The following CADM3 variants were observed in gnomAD, a reference collection of about 807,000 sequenced individuals.
CADM3 encodes cell adhesion molecule 3.
Under a neutral mutation model 44.9 loss-of-function variants are expected in CADM3, and 11 were observed. The ratio of observed to expected loss-of-function variants is 0.25; its 90% confidence interval spans 0.15 to 0.41. The LOEUF (loss-of-function observed/expected upper bound fraction) is 0.41, where lower values mean the gene tolerates loss of function less well. Among genes scored for constraint, CADM3 ranks in the 10% least tolerant of loss-of-function variants. The pLI is 1.00. For missense variants in CADM3, 426 were observed against 512.0 expected, an observed-to-expected ratio of 0.83 and a Z score of 1.62; for synonymous variants, 207 against 205.2, an observed-to-expected ratio of 1.01 and a Z score of -0.08.
At chr1:159,188,143 C>G (rs930135423) in intron 1 of CADM3, among the ~76,000 whole-genome samples, 2 of 151,880 alleles carry the variant, frequency 1.3e-5, no homozygotes, top group Admixed American at 6.6e-5. Flanking sequence ...AGGGGAGGTG[C>G]CTCCATGGAG....
intron 7 of CADM3, among the ~76,000 whole-genome samples, chr1:159,199,212 A>C (rs1480859534): frequency 6.6e-6 from 1 of 151,926 alleles, no homozygotes; most frequent in Non-Finnish European, 1.5e-5. Context: ...CCTTAGAGCT[A>C]GGGGAGCTGG....
At chr1:159,172,189 C>A (rs1437687465) in intron 1 of CADM3, among the ~76,000 whole-genome samples, 1 of 151,928 alleles carries the variant, frequency 6.6e-6, no homozygotes, top group Non-Finnish European at 1.5e-5. Flanking sequence ...TCTGGCTCTG[C>A]GTTTCTGTGT....
chr1:159,177,002 A>G (rs949552460), intron 1 of CADM3, among the ~76,000 whole-genome samples: 1 of 152,110 alleles, frequency 6.6e-6, no homozygotes, highest in Non-Finnish European at 1.5e-5. Flanking sequence ...ACATTGGGAC[A>G]TTCTGAGTCT....
intron 1 of CADM3, among the ~76,000 whole-genome samples, chr1:159,181,878 C>T (rs1312793832): frequency 6.6e-6 from 1 of 152,136 alleles, no homozygotes; most frequent in African/African-American, 2.4e-5. Flanking sequence ...CTGAAGGCCC[C>T]CCTCAGCCTA....
chr1:159,175,591 A>G (rs1310390640), intron 1 of CADM3, among the ~76,000 whole-genome samples: 1 of 152,248 alleles, frequency 6.6e-6, no homozygotes, highest in African/African-American at 2.4e-5. Flanking sequence ...TCCCTGTCTT[A>G]CTGGCTTTTA....
At chr1:159,175,956 T>C (rs1388266972) in intron 1 of CADM3, among the ~76,000 whole-genome samples, 1 of 152,218 alleles carries the variant, frequency 6.6e-6, no homozygotes, top group African/African-American at 2.4e-5. Flanking sequence ...GCAGTCCAAA[T>C]AATATGTAAA....
intron 1 of CADM3, among the ~76,000 whole-genome samples, chr1:159,187,808 C>CA (rs1272666138): frequency 6.6e-6 from 1 of 152,080 alleles, no homozygotes; most frequent in Non-Finnish European, 1.5e-5. Context: ...TATGAGCACT[C>CA]ACCACCTTCA....
intron 8 of CADM3, among the ~76,000 whole-genome samples, chr1:159,200,518 GCACACA>G (rs56164429): frequency 0.21 from 31,563 of 150,904 alleles, 3,609 homozygotes; most frequent in East Asian, 0.44. Flanking sequence ...ATGCGTGCAA[GCACACA>G]CACACACACA....
intron 1 of CADM3, among the ~76,000 whole-genome samples, chr1:159,178,886 A>G (rs1649127688): frequency 6.6e-6 from 1 of 152,178 alleles, no homozygotes; most frequent in African/African-American, 2.4e-5. Flanking sequence ...AAGAGTTAAT[A>G]TAATAGTTAA....
chr1:159,199,845 C>A lies in CADM3; in HGVS notation c.1047C>A (p.Ile349=), dbSNP rs2102139384. The A allele has an allele frequency of 1.2e-6, 2 of 1,614,064 alleles. No homozygotes were observed. The highest frequency in any genetic ancestry group is 2.2e-5 in the East Asian group (1 of 44,854). ...TCTTCCTGCTGCTCATCATGCTCAT[C>A]TTCCTTGGCCACTACTTGATCCGGC... ...FIVFLLLIML[I]FLGHYLIRHK... Residue 349 remains isoleucine, a synonymous_variant, in exon 8 of 9, where the codon ATC becomes ATA. Transcript: ENST00000368125.
chr1:159,194,369 G>A (rs1348057545), intron 5 of CADM3: 2 of 207,790 alleles, frequency 9.6e-6, no homozygotes, highest in African/African-American at 4.6e-5. Context: ...CAGGTGGCAG[G>A]ATTTGGTCCA....
intron 1 of CADM3, among the ~76,000 whole-genome samples, chr1:159,188,614 A>T (rs1259382295): frequency 6.6e-6 from 1 of 152,104 alleles, no homozygotes; most frequent in Non-Finnish European, 1.5e-5. Flanking sequence ...GCAGCGGATG[A>T]GCTCACTGAA....
chr1:159,196,618 G>C (rs953847721), intron 6 of CADM3, 164 bp downstream of exon 6: 2 of 673,152 alleles, frequency 3.0e-6, no homozygotes, highest in South Asian at 3.8e-5. Flanking sequence ...CTGCAAAGCA[G>C]CACAAATGGG....
rs1163858488 is a variant in CADM3 at position 159,184,903 on chromosome 1, A to G, written c.89-7033A>G. On this transcript the variant is annotated intron_variant, in intron 1 of 8. Coordinates refer to ENST00000368125, the MANE Select transcript of CADM3 (RefSeq NM_001127173.3). Reference sequence around the variant, plus strand: ...CCCACCTCTGCCACTCTTAATATGAACAATCAATAAGAAGAAAATCAGTGG... The same window carrying G: ...CCCACCTCTGCCACTCTTAATATGAGCAATCAATAAGAAGAAAATCAGTGG... 2.4e-4 allele frequency among the ~76,000 whole-genome samples: 37 copies of G among 152,232 alleles called. 1 individual carries two copies. The highest frequency in any genetic ancestry group is 2.4e-3 in the Admixed American group (37 of 15,292).
intron 2 of CADM3, 99 bp from the exon 3 acceptor site, chr1:159,192,479 T>A: frequency 7.0e-7 from 1 of 1,423,508 alleles, no homozygotes; most frequent in South Asian, 1.2e-5. Flanking sequence ...CCACCCACCA[T>A]ACTAGACCCC....
rs779152200 is a variant in CADM3, at chr1:159,196,929, C to T, written c.821C>T (p.Pro274Leu). Residue 274 changes from proline to leucine, a missense_variant, in exon 7 of 9, where the codon CCA (proline) becomes CTA (leucine). This residue lies in a region of CADM3 where 362 missense variants were observed against 474.6 expected (regional missense o/e 0.76). Coordinates refer to ENST00000368125, the MANE Select transcript of CADM3 (RefSeq NM_001127173.3). ...QYLWEKEGSVPPLKMTQESAL... is the reference protein window; with the variant it reads ...QYLWEKEGSVLPLKMTQESAL... ...CTATGGGAGAAGGAGGGCAGTGTGC[C>T]ACCCCTGAAGATGACCCAGGAGAGT... 4 of 1,613,970 alleles carry T rather than the reference C, an allele frequency of 2.5e-6. No individual in the cohort carries two copies. The Admixed American group carries it at 6.7e-5, about 27-fold the overall frequency.
At position 159,186,637 on chromosome 1, in the gene CADM3, T is replaced by C. The variant is rs562777041; in HGVS notation, c.89-5299T>C. Among the ~76,000 whole-genome samples the C allele has an allele frequency of 3.3e-5, 5 of 152,356 alleles. No homozygotes were observed. In the East Asian group the frequency reaches 9.6e-4, roughly 29 times the overall value. ...TGCTACTTATCCATGTTTCTGTTGATAGCATTATAATCACTCATCCACTCC... is the reference window on the plus strand; with the variant it reads ...TGCTACTTATCCATGTTTCTGTTGACAGCATTATAATCACTCATCCACTCC... On this transcript the variant is annotated intron_variant, in intron 1 of 8. Transcript: ENST00000368125.
intron 1 of CADM3, among the ~76,000 whole-genome samples, chr1:159,175,919 G>C (rs1649000171): frequency 6.6e-6 from 1 of 152,172 alleles, no homozygotes; most frequent in South Asian, 2.1e-4. Flanking sequence ...ATTTGATTTT[G>C]GTACTTCTTG....
intron 7 of CADM3, chr1:159,197,688 ATGG>A (rs1326168002): frequency 6.6e-6 from 1 of 152,138 alleles, no homozygotes. Context: ...AGGCCCCTTT[ATGG>A]AGAGTTGACG....
Sources: gnomAD v4.1 joint callset for allele counts (sites outside exome capture counted in the v4.1 genomes callset) on GRCh38, gnomAD v4.1.1 for gene constraint, gnomAD v4.1.1 regional missense constraint, MANE v1.5 for transcripts, NCBI Gene and HGNC (gene_info 2026-07-23, HGNC 2026-07-21) for gene names.